ITGAL: variants seen among roughly 807,000 people sequenced by gnomAD.
The protein encoded by ITGAL is integrin subunit alpha L, also known as integrin alpha-L.
In ITGAL, 68 loss-of-function variants were observed where a neutral mutation model predicts 138.4. The ratio of observed to expected loss-of-function variants is 0.49; its 90% confidence interval spans 0.40 to 0.60. The LOEUF is 0.60. ITGAL is among the 20% of genes least tolerant of loss of function. The pLI is 0.00. For synonymous variants in ITGAL, 561 were observed against 584.3 expected, an observed-to-expected ratio of 0.96 and a Z score of 0.57; for missense variants, 1,256 against 1,478.6, an observed-to-expected ratio of 0.85 and a Z score of 2.47.
At position 30,504,024 on chromosome 16, in the gene ITGAL, A is replaced by G. The variant is rs1161214470; in HGVS notation, c.2146-151A>G. On this transcript the variant is annotated intron_variant, in intron 17 of 30. Transcript: ENST00000356798. ...CCTGGGTGTGCTGTACACACCTGCT[A>G]TGTAGTCAATGGATTTTCAATACTG... is the stretch of plus-strand genomic sequence containing the variant. 3 of 633,038 alleles carry G rather than the reference A, an allele frequency of 4.7e-6. No individual in the cohort carries two copies. In the African/African-American group the frequency reaches 5.5e-5, roughly 12 times the overall value. 39.2% of individuals were successfully genotyped at this position (633,038 alleles called of 1,614,324 possible). A position where few individuals can be genotyped will look rare whatever the true frequency, so the allele number is the denominator to read the frequency against.
intron 28 of ITGAL, among the ~76,000 whole-genome samples, chr16:30,518,239 G>A (rs1442898293): frequency 6.6e-6 from 1 of 152,076 alleles, no homozygotes; most frequent in African/African-American, 2.4e-5. Flanking sequence ...CTTGAGGTCG[G>A]GAGTTCTAGA....
chr16:30,504,288 G>A, intron 18 of ITGAL, 24 bp downstream of exon 18: 1 of 1,564,304 alleles, frequency 6.4e-7, no homozygotes, highest in South Asian at 1.1e-5. Flanking sequence ...GCTAGGGATG[G>A]TGGGGAGTTT....
In ITGAL at chr16:30,479,376, C is replaced by A; in HGVS notation, c.491C>A (p.Ser164Ter). 1 of 1,614,016 alleles carries A rather than the reference C, an allele frequency of 6.2e-7. No individual in the cohort carries two copies. The highest frequency in any genetic ancestry group is 8.5e-7 in the Non-Finnish European group (1 of 1,179,998). The stretch of plus-strand genomic sequence containing the variant: ...GACCTGGTATTTCTGTTTGATGGTT[C>A]GATGAGCTTGCAGCCAGATGAATTT... ...NVDLVFLFDGSMSLQPDEFQK... is the reference protein window; with the variant it reads ...NVDLVFLFDG The change falls in exon 6 of 31, where the codon TCG (serine) becomes TAG (stop). Residue 164 changes from serine (S) to a stop codon, truncating the protein, a stop_gained. Coordinates refer to ENST00000356798, the MANE Select transcript of ITGAL (RefSeq NM_002209.3). LOFTEE classifies it high-confidence loss of function.
At position 30,505,315 on chromosome 16, in the gene ITGAL, G is replaced by A. The variant is rs1265022515; in HGVS notation, c.2292+15G>A. ...AAACCTGGGAGGTAAGAGGGGAGAA[G>A]GGGCAGGCAGAGAGGCCTGGGAACA... On this transcript the variant is annotated intron_variant, in intron 19 of 30. Transcript: ENST00000356798. 4.3e-6 allele frequency: 7 copies of A among 1,613,182 alleles called. No homozygotes were observed. Among genetic ancestry groups the A allele is most frequent in the Non-Finnish European group, 5.1e-6 (6 of 1,179,550 alleles).
chr16:30,483,725 T>C, intron 7 of ITGAL, 102 bp from the exon 8 acceptor site: 1 of 1,323,622 alleles, frequency 7.6e-7, no homozygotes, highest in Non-Finnish European at 1.0e-6. Context: ...CAGGAAGGGC[T>C]TTTGCGTAAC....
chr16:30,500,274 T>TG (rs2050875768), intron 17 of ITGAL, among the ~76,000 whole-genome samples: 1 of 150,512 alleles, frequency 6.6e-6, no homozygotes, highest in Non-Finnish European at 1.5e-5. Flanking sequence ...TTAGTAGAGT[T>TG]GGGGTTTCAC....
intron 29 of ITGAL, 73 bp downstream of exon 29, chr16:30,518,792 T>G: frequency 1.8e-6 from 2 of 1,109,922 alleles, no homozygotes; most frequent in Non-Finnish European, 2.8e-6. Flanking sequence ...CAGACCTAGA[T>G]GTGGGAGAGC....
chr16:30,475,694 G>A, intron 4 of ITGAL, 114 bp downstream of exon 4: 1 of 590,170 alleles, frequency 1.7e-6, no homozygotes, highest in Non-Finnish European at 3.2e-6. Flanking sequence ...AAAGGCATCA[G>A]AGTCAATTAG....
chr16:30,497,420 T>C (rs2050818324), intron 15 of ITGAL, among the ~76,000 whole-genome samples: 1 of 150,990 alleles, frequency 6.6e-6, no homozygotes, highest in Non-Finnish European at 1.5e-5. Flanking sequence ...GGCAGGAAGA[T>C]TACTTGAGCT....
intron 21 of ITGAL, among the ~76,000 whole-genome samples, chr16:30,507,960 G>A (rs945602046): frequency 2.0e-5 from 3 of 151,780 alleles, no homozygotes; most frequent in Admixed American, 6.6e-5. Flanking sequence ...CCAGGCTGGA[G>A]TGCAGTGGCG....
chr16:30,489,195 G>T (rs567186033), intron 10 of ITGAL, 40 bp downstream of exon 10: 20 of 1,613,776 alleles, frequency 1.2e-5, no homozygotes, highest in Non-Finnish European at 7.6e-6. Flanking sequence ...AGGGAGTGCA[G>T]TTGGCTCTGG....
chr16:30,502,159 A>G (rs2050909437), intron 17 of ITGAL, among the ~76,000 whole-genome samples: 2 of 152,166 alleles, frequency 1.3e-5, no homozygotes, highest in Non-Finnish European at 2.9e-5. Flanking sequence ...GCACTTTGGG[A>G]GGCCAAGGTG....
At chr16:30,478,427 G>A (rs183925343) in intron 4 of ITGAL, among the ~76,000 whole-genome samples, 39 of 148,412 alleles carry the variant, frequency 2.6e-4, no homozygotes, top group South Asian at 8.6e-4. Flanking sequence ...GGCCGGGCGC[G>A]GTGGCTCATG....
Position 30,499,464 on chromosome 16 carries a change from G to A in ITGAL, c.2120G>A (p.Cys707Tyr). 6.2e-7 allele frequency: 1 copy of A among 1,613,814 alleles called. No individual in the cohort carries two copies. Among genetic ancestry groups the A allele is most frequent in the Non-Finnish European group, 8.5e-7 (1 of 1,180,004 alleles). Residue 707 changes from cysteine (C) to tyrosine (Y), a missense_variant, in exon 17 of 31, where the codon TGC becomes TAC. By Grantham distance (194) the Cys-to-Tyr change is radical (BLOSUM62 -2). This residue lies in a region of ITGAL where 867 missense variants were observed against 972.5 expected (regional missense o/e 0.89). Transcript: ENST00000356798. ...ATAGCTGTCACCACCAGCATGTCAT[G>A]CACTGACTTCTCATTTCATTTCCCG... The part of the protein sequence containing the change: ...RNIAVTTSMS[C>Y]TDFSFHFPVC...
rs915051851 is a variant in ITGAL at position 30,521,349 on chromosome 16, G to A, written c.3340-143G>A. ...TTAAGTCTGGGAGGCAGAGGTTGCAGTGAGCCGAGATCGCACCACTGCACT... is the reference window on the plus strand; with the variant it reads ...TTAAGTCTGGGAGGCAGAGGTTGCAATGAGCCGAGATCGCACCACTGCACT... On this transcript the variant is annotated intron_variant, in intron 30 of 30. Coordinates refer to ENST00000356798, the MANE Select transcript of ITGAL (RefSeq NM_002209.3). 9.7e-6 allele frequency: 6 copies of A among 621,674 alleles called. No individual in the cohort carries two copies. The African/African-American group carries it at 1.1e-4, about 12-fold the overall frequency. 38.5% of individuals were successfully genotyped at this position (621,674 alleles called of 1,614,324 possible). A position where few individuals can be genotyped will look rare whatever the true frequency, so the allele number is the denominator to read the frequency against.
chr16:30,493,515 A>T (rs1021550026), intron 11 of ITGAL, among the ~76,000 whole-genome samples: 1 of 151,914 alleles, frequency 6.6e-6, no homozygotes, highest in African/African-American at 2.4e-5. Context: ...TGACCTTGTG[A>T]TCCACCTGCC....
At chr16:30,504,352 C>T in intron 18 of ITGAL, 88 bp downstream of exon 18, 1 of 997,326 alleles carries the variant, frequency 1.0e-6, no homozygotes, top group Admixed American at 1.8e-5. Context: ...CAGCACACTC[C>T]TATAATCCCA....
chr16:30,514,170 G>C (rs1261043419), intron 25 of ITGAL, among the ~76,000 whole-genome samples: 1 of 152,170 alleles, frequency 6.6e-6, no homozygotes, highest in Non-Finnish European at 1.5e-5. Flanking sequence ...GAGTGCAGTG[G>C]TGCAATCTCG....
intron 5 of ITGAL, 60 bp from the exon 6 acceptor site, chr16:30,479,271 G>C: frequency 1.9e-6 from 3 of 1,613,334 alleles, no homozygotes; most frequent in Non-Finnish European, 2.5e-6. Flanking sequence ...GAGAGAACCA[G>C]CATGGGCAGG....
Sources: gnomAD v4.1 joint callset for allele counts (sites outside exome capture counted in the v4.1 genomes callset) on GRCh38, gnomAD v4.1.1 for gene constraint, gnomAD v4.1.1 regional missense constraint, MANE v1.5 for transcripts, NCBI Gene and HGNC (gene_info 2026-07-23, HGNC 2026-07-21) for gene names.